The following DDX10 variants were observed in gnomAD, a reference collection of about 807,000 sequenced individuals.
The protein encoded by DDX10 is probable ATP-dependent RNA helicase DDX10.
A neutral mutation model predicts 104.3 loss-of-function variants in DDX10; 74 were observed. The ratio of observed to expected loss-of-function variants is 0.71; its 90% CI spans 0.59 to 0.86. The LOEUF is 0.86. Among genes scored for constraint, DDX10 ranks in the 40% least tolerant of loss-of-function variants. DDX10 has a pLI of 0.00. For missense variants in DDX10, 952 were observed against 1,040.0 expected, an observed-to-expected ratio of 0.92 and a Z score of 1.16; for synonymous variants, 351 against 353.4, an observed-to-expected ratio of 0.99 and a Z score of 0.08.
intron 13 of DDX10, among the ~76,000 whole-genome samples, chr11:108,732,467 G>A (rs972022464): frequency 3.3e-5 from 5 of 152,164 alleles, no homozygotes; most frequent in African/African-American, 9.7e-5. Flanking sequence ...CATTGTGTGC[G>A]CACACTTGGA....
intron 16 of DDX10, among the ~76,000 whole-genome samples, chr11:108,853,693 C>T (rs1862826313): frequency 6.6e-6 from 1 of 152,082 alleles, no homozygotes; most frequent in African/African-American, 2.4e-5. Context: ...ATAAAGTTGT[C>T]ACAATCAGGC....
rs5794602 is a variant in DDX10, at chr11:108,718,163, C to CA, written c.1411-1619dup. ...TGGCCTACAGAGCGAGGCTCTGTCT[C>CA]AAAAAAAAAAAAAAATTGTCTAGAG... is the stretch of plus-strand genomic sequence containing the variant. On this transcript the variant is annotated intron_variant, in intron 11 of 17. Transcript: ENST00000322536. 5.3e-3 allele frequency among the ~76,000 whole-genome samples: 714 copies of CA among 135,542 alleles called. 7 individuals are homozygous for CA. Among genetic ancestry groups the CA allele is most frequent in the African/African-American group, 0.012 (444 of 36,084 alleles). 88.9% of individuals were successfully genotyped at this position (135,542 alleles called of 152,430 possible).
chr11:108,778,852 C>A (rs2094373856), intron 13 of DDX10, among the ~76,000 whole-genome samples: 1 of 152,134 alleles, frequency 6.6e-6, no homozygotes, highest in Non-Finnish European at 1.5e-5. Flanking sequence ...AAGAAAAAGT[C>A]AACCCCATCA....
chr11:108,797,188 C>G (rs560340407), intron 13 of DDX10, among the ~76,000 whole-genome samples: 2 of 152,270 alleles, frequency 1.3e-5, no homozygotes, highest in African/African-American at 4.8e-5. Context: ...TGCATGCCAG[C>G]ATGCCCAGCT....
At chr11:108,915,486 G>T (rs1173968416) in intron 16 of DDX10, among the ~76,000 whole-genome samples, 5 of 148,654 alleles carry the variant, frequency 3.4e-5, no homozygotes, top group African/African-American at 5.0e-5. Context: ...AGACATCGAT[G>T]GTGGATAACA....
chr11:108,735,196 C>T (rs1440478397), intron 13 of DDX10, among the ~76,000 whole-genome samples: 2 of 152,148 alleles, frequency 1.3e-5, no homozygotes, highest in Non-Finnish European at 2.9e-5. Context: ...TGCTTTGATG[C>T]GAAGCTTTGT....
intron 13 of DDX10, among the ~76,000 whole-genome samples, chr11:108,803,488 G>A (rs1039221172): frequency 2.6e-5 from 4 of 151,120 alleles, no homozygotes; most frequent in East Asian, 1.9e-4. Flanking sequence ...CAGCTACTCC[G>A]GAGGCTCAGG....
chr11:108,922,264 A>AAAAAAG (rs1863843154), intron 17 of DDX10: 1 of 93,888 alleles, frequency 1.1e-5, no homozygotes, highest in African/African-American at 4.1e-5. Flanking sequence ...AAAAAAAAAA[A>AAAAAAG]AGAGAGAGAG....
rs189039781 is a variant in DDX10, at chr11:108,870,737, T to G, written c.2304+18528T>G. On this transcript the variant is annotated intron_variant, in intron 16 of 17. Transcript: ENST00000322536. ...GTACTTCTCTCTACCAGGCAATATA[T>G]AAATACATACTAGTTTGTTGTTGCT... Among the ~76,000 whole-genome samples the G allele has an allele frequency of 9.6e-4, 146 of 152,350 alleles. 1 individual carries two copies. Among genetic ancestry groups the G allele is most frequent in the African/African-American group, 3.2e-3 (132 of 41,588 alleles).
intron 13 of DDX10, among the ~76,000 whole-genome samples, chr11:108,819,695 T>C (rs1389482503): frequency 6.6e-6 from 1 of 151,900 alleles, no homozygotes; most frequent in Non-Finnish European, 1.5e-5. Flanking sequence ...GCCTCCCAGG[T>C]TCAAGCGATT....
At chr11:108,843,408 T>TTC (rs398017527) in intron 15 of DDX10, among the ~76,000 whole-genome samples, 1 of 150,748 alleles carries the variant, frequency 6.6e-6, no homozygotes, top group Non-Finnish European at 1.5e-5. Flanking sequence ...TTTTTTTTTT[T>TTC]ACATAAAATG....
chr11:108,712,782 G>A lies in DDX10; in HGVS notation c.1323-3097G>A, dbSNP rs531238735. On this transcript the variant is annotated intron_variant, in intron 10 of 17. Coordinates refer to ENST00000322536, the MANE Select transcript of DDX10 (RefSeq NM_004398.4). ...CTTTGATGTGCTCTTCCTTTGTTAT[G>A]AAGATCTGAGTTTCTCACTTACGTT... is the stretch of plus-strand genomic sequence containing the variant. Among the ~76,000 whole-genome samples, 8 of 151,308 alleles carry A rather than the reference G, an allele frequency of 5.3e-5. No individual in the cohort carries two copies. In the South Asian group the frequency reaches 6.2e-4, roughly 12 times the overall value.
At position 108,673,449 on chromosome 11, in the gene DDX10, C is replaced by T. The variant is rs1258685262; in HGVS notation, c.187-18C>T. 4 of 1,541,668 alleles carry T rather than the reference C, an allele frequency of 2.6e-6. No homozygotes were observed. The African/African-American group carries it at 4.1e-5, about 16-fold the overall frequency. ...TGAAACAAATGAGTTACCCTGATTC[C>T]TTTTTCTTTTTTTCCAGATAAATGT... On this transcript the variant is annotated intron_variant, in intron 1 of 17. Coordinates refer to ENST00000322536, the MANE Select transcript of DDX10 (RefSeq NM_004398.4).
At chr11:108,752,164 C>T (rs1205865136) in intron 13 of DDX10, among the ~76,000 whole-genome samples, 1 of 152,048 alleles carries the variant, frequency 6.6e-6, no homozygotes, top group Non-Finnish European at 1.5e-5. Context: ...GAAGTTACGT[C>T]TTGAGGATGG....
intron 13 of DDX10, among the ~76,000 whole-genome samples, chr11:108,731,879 A>G (rs540507663): frequency 2.0e-5 from 3 of 152,354 alleles, no homozygotes; most frequent in African/African-American, 7.2e-5. Flanking sequence ...ATAAATGAGT[A>G]TATTCCCTGT....
intron 13 of DDX10, among the ~76,000 whole-genome samples, chr11:108,754,657 A>T (rs1565268533): frequency 6.6e-6 from 1 of 152,032 alleles, no homozygotes; most frequent in Non-Finnish European, 1.5e-5. Flanking sequence ...CCTTAGGTAT[A>T]TGAGAGGAAG....
intron 13 of DDX10, among the ~76,000 whole-genome samples, chr11:108,823,650 G>A (rs960188343): frequency 1.3e-5 from 2 of 152,170 alleles, no homozygotes; most frequent in African/African-American, 2.4e-5. Flanking sequence ...GCACATGCAT[G>A]TGTGTGTTTT....
chr11:108,926,040 G>C (rs1863904134), intron 17 of DDX10, among the ~76,000 whole-genome samples: 1 of 152,204 alleles, frequency 6.6e-6, no homozygotes. Flanking sequence ...GATTGAGAGA[G>C]AAGTGGATGG....
intron 9 of DDX10, among the ~76,000 whole-genome samples, chr11:108,697,706 C>G (rs543940032): frequency 1.6e-4 from 24 of 152,278 alleles, no homozygotes; most frequent in African/African-American, 5.8e-4. Context: ...AATGCTCTAT[C>G]CTGTGATACA....
Sources: allele counts gnomAD v4.1 joint callset (sites outside exome capture counted in the v4.1 genomes callset), GRCh38; gene constraint gnomAD v4.1.1; transcripts MANE v1.5; gene names NCBI Gene and HGNC (gene_info 2026-07-23, HGNC 2026-07-21).